Variants in CDH4 observed in about 807,000 individuals in gnomAD.
The protein encoded by CDH4 is cadherin 4, also known as cadherin-4.
CDH4 carries 33 observed loss-of-function variants against 86.0 expected under a neutral mutation model. The ratio of observed to expected loss-of-function variants is 0.38; its 90% CI spans 0.29 to 0.51. The LOEUF (loss-of-function observed/expected upper bound fraction) is 0.51. CDH4 is among the 20% of genes least tolerant of loss of function. The probability of loss-of-function intolerance (pLI) is 0.86; values close to 1 mark genes in which losing one functional copy is unlikely to be tolerated. For missense variants in CDH4, 1,114 were observed against 1,307.4 expected (o/e 0.85, Z 2.28); for synonymous variants, 555 against 549.4 (o/e 1.01, Z -0.14).
intron 2 of CDH4, among the ~76,000 whole-genome samples, chr20:61,260,130 A>G (rs553066988): frequency 2.0e-5 from 3 of 152,318 alleles, no homozygotes; most frequent in Admixed American, 6.5e-5. Flanking sequence ...AAAACTGCAC[A>G]CTAGCAAAGT....
chr20:61,762,696 A>G (rs6061807), intron 3 of CDH4, among the ~76,000 whole-genome samples: 50,866 of 152,104 alleles, frequency 0.33, 9,110 homozygotes, highest in African/African-American at 0.45. Flanking sequence ...ATCTGCTTAT[A>G]CAAATCGGAC....
intron 2 of CDH4, among the ~76,000 whole-genome samples, chr20:61,476,598 C>A (rs2145574397): frequency 6.6e-6 from 1 of 152,324 alleles, no homozygotes; most frequent in East Asian, 1.9e-4. Context: ...AGAGTGGGAG[C>A]ATCAGCCGCC....
chr20:61,704,720 G>C (rs2087811443), intron 2 of CDH4, among the ~76,000 whole-genome samples: 2 of 152,192 alleles, frequency 1.3e-5, no homozygotes, highest in Admixed American at 1.3e-4. Context: ...TACGGTGTCA[G>C]CCGGGATGTC....
At chr20:61,890,193 T>TAATG (rs56670161) in intron 7 of CDH4, among the ~76,000 whole-genome samples, 8,819 of 26,080 alleles carry the variant, frequency 0.34, 699 homozygotes, top group African/African-American at 0.49. Context: ...GATGGATAGA[T>TAATG]GATGGATGGA....
chr20:61,285,078 TTTTTTTG>T (rs1342401377), intron 2 of CDH4, among the ~76,000 whole-genome samples: 1 of 145,248 alleles, frequency 6.9e-6, no homozygotes. Flanking sequence ...TCCTGTTTTT[TTTTTTTG>T]TTTGTTTGTT....
chr20:61,529,227 G>A (rs2085934875), intron 2 of CDH4, among the ~76,000 whole-genome samples: 1 of 152,148 alleles, frequency 6.6e-6, no homozygotes, highest in African/African-American at 2.4e-5. Context: ...AATTTACATA[G>A]GTAAGCACCA....
intron 2 of CDH4, among the ~76,000 whole-genome samples, chr20:61,389,996 A>G (rs1362282261): frequency 3.6e-5 from 5 of 138,318 alleles, no homozygotes; most frequent in African/African-American, 1.1e-4. Context: ...GAGATCATGC[A>G]GTCATAGGGT....
intron 2 of CDH4, among the ~76,000 whole-genome samples, chr20:61,559,561 G>A (rs1429225687): frequency 8.2e-6 from 1 of 121,678 alleles, no homozygotes; most frequent in Non-Finnish European, 1.6e-5. Context: ...CACTCTGTGT[G>A]TGGCCCAGGC....
intron 3 of CDH4, among the ~76,000 whole-genome samples, chr20:61,752,824 T>G (rs987460160): frequency 2.0e-5 from 3 of 152,044 alleles, no homozygotes; most frequent in African/African-American, 7.3e-5. Context: ...GAAGTCCAAA[T>G]TCGGGTGGCA....
In CDH4 at chr20:61,894,443, A is replaced by T. The variant is rs536726331; in HGVS notation, c.1051-467A>T. Among the ~76,000 whole-genome samples, 6 of 152,284 alleles carry T rather than the reference A, an allele frequency of 3.9e-5. No individual in the cohort carries two copies. In the South Asian group the frequency reaches 1.2e-3, roughly 32 times the overall value. The stretch of plus-strand genomic sequence containing the variant: ...GGGAAAGGGTTTGTCTTTTCTTCCC[A>T]TTTGAATATCTGACCTGTAGTTCAG... On this transcript the variant is annotated intron_variant, in intron 7 of 15. Transcript: ENST00000614565.
rs142221912 is a variant in CDH4 at position 61,743,651 on chromosome 20, C to T, written c.258C>T (p.Phe86=). The T allele has an allele frequency of 6.6e-5, 105 of 1,596,166 alleles. No homozygotes were observed. In the African/African-American group the frequency reaches 8.3e-4, roughly 13 times the overall value. ...AAGTTGGGGCAGATGGGACAGTCTT[C>T]GCCACCCGGGAGCTGCAGGTCCCCT... The part of the protein sequence containing the change: ...DFKVGADGTV[F]ATRELQVPSE... The change falls in exon 3 of 16, where the codon TTC becomes TTT. Residue 86 remains phenylalanine, a synonymous_variant. Coordinates refer to ENST00000614565, the MANE Select transcript of CDH4 (RefSeq NM_001794.5).
intron 4 of CDH4, among the ~76,000 whole-genome samples, chr20:61,793,473 C>T (rs767766988): frequency 6.6e-6 from 1 of 152,156 alleles, no homozygotes; most frequent in Non-Finnish European, 1.5e-5. Flanking sequence ...CATTGAGAAA[C>T]ATCGCTCTGG....
chr20:61,735,639 G>A (rs1281498733), intron 2 of CDH4, among the ~76,000 whole-genome samples: 1 of 152,200 alleles, frequency 6.6e-6, no homozygotes, highest in African/African-American at 2.4e-5. Flanking sequence ...TGCCCCCTCC[G>A]CTGGACCCCG....
At chr20:61,793,569 C>T (rs1252117841) in intron 4 of CDH4, among the ~76,000 whole-genome samples, 3 of 152,034 alleles carry the variant, frequency 2.0e-5, no homozygotes, top group Non-Finnish European at 4.4e-5. Context: ...AGGCCGGGCG[C>T]AGTGGCTCAC....
intron 2 of CDH4, among the ~76,000 whole-genome samples, chr20:61,675,208 G>T (rs374793512): frequency 6.6e-6 from 1 of 152,224 alleles, no homozygotes. Context: ...AGGGTTAGAC[G>T]GTGTTGTGCC....
chr20:61,654,904 GACA>G (rs2087170465), intron 2 of CDH4, among the ~76,000 whole-genome samples: 1 of 62,160 alleles, frequency 1.6e-5, no homozygotes, highest in Non-Finnish European at 5.1e-5. Context: ...CCCCGCTCTG[GACA>G]GGGACACGGG....
At chr20:61,924,567 C>T (rs1477260612) in intron 11 of CDH4, 91 bp downstream of exon 11, 4 of 1,425,086 alleles carry the variant, frequency 2.8e-6, no homozygotes, top group Non-Finnish European at 3.8e-6. Context: ...AGGGAGACCC[C>T]GAGAGGCCAG....
chr20:61,336,545 G>A (rs1394313686), intron 2 of CDH4, among the ~76,000 whole-genome samples: 1 of 152,052 alleles, frequency 6.6e-6, no homozygotes, highest in Non-Finnish European at 1.5e-5. Flanking sequence ...AGGCATTTTT[G>A]TGGGCCTCCT....
intron 2 of CDH4, among the ~76,000 whole-genome samples, chr20:61,550,986 G>C (rs961416719): frequency 2.0e-5 from 3 of 152,232 alleles, no homozygotes; most frequent in East Asian, 1.9e-4. Flanking sequence ...TCAGACAGTT[G>C]GTTGAAATCC....
Sources: allele counts gnomAD v4.1 joint callset (sites outside exome capture counted in the v4.1 genomes callset), GRCh38; gene constraint gnomAD v4.1.1; transcripts MANE v1.5; gene names NCBI Gene and HGNC (gene_info 2026-07-23, HGNC 2026-07-21).